The following STPG1 variants were observed in gnomAD, a reference collection of about 807,000 sequenced individuals.
The protein encoded by STPG1 is sperm tail PG-rich repeat containing 1, also known as O(6)-methylguanine-induced apoptosis 2.
STPG1 carries 33 observed loss-of-function variants against 40.1 expected under a neutral mutation model. The ratio of observed to expected loss-of-function variants is 0.82; its 90% confidence interval spans 0.62 to 1.10. The LOEUF (loss-of-function observed/expected upper bound fraction) is 1.10. Among genes scored for constraint, STPG1 ranks in the 50% least tolerant of loss-of-function variants. The pLI is 0.00. For synonymous variants in STPG1, 150 were observed against 155.0 expected, an observed-to-expected ratio of 0.97 and a Z score of 0.24; for missense variants, 396 against 415.1, an observed-to-expected ratio of 0.95 and a Z score of 0.40.
At position 24,380,469 on chromosome 1, in the gene STPG1, T is replaced by A. The variant is rs566143057; in HGVS notation, c.292-646A>T. Among the ~76,000 whole-genome samples, 4 of 152,326 alleles carry A rather than the reference T, an allele frequency of 2.6e-5. No individual in the cohort carries two copies. In the East Asian group the frequency reaches 7.7e-4, roughly 29 times the overall value. On this transcript the variant is annotated intron_variant, in intron 4 of 8. Transcript: ENST00000337248. ...AGGGACAAAAGTCACAGAAACTCAG[T>A]GATAACATCACTTTCCCCTAAGATA...
intron 3 of STPG1, among the ~76,000 whole-genome samples, chr1:24,385,760 C>T (rs947307167): frequency 2.0e-5 from 3 of 152,128 alleles, no homozygotes; most frequent in South Asian, 2.1e-4. Context: ...AAATCCCCAC[C>T]GGGTTATGAA....
intron 5 of STPG1, 74 bp from the exon 6 acceptor site, chr1:24,373,884 T>C: frequency 2.7e-6 from 3 of 1,101,148 alleles, no homozygotes; most frequent in East Asian, 2.4e-5. Context: ...CCTGGACAAG[T>C]GGCAAATCTA....
intron 7 of STPG1, among the ~76,000 whole-genome samples, chr1:24,363,611 G>C (rs1298589308): frequency 6.6e-6 from 1 of 152,118 alleles, no homozygotes; most frequent in African/African-American, 2.4e-5. Context: ...TACCCAGATT[G>C]TTAGGAAGAT....
chr1:24,385,578 T>C (rs74634952), intron 3 of STPG1, among the ~76,000 whole-genome samples: 4,135 of 152,298 alleles, frequency 0.027, 208 homozygotes, highest in African/African-American at 0.092. Flanking sequence ...CTGAGGACTT[T>C]ACATGTACTA....
At chr1:24,392,535 G>A (rs747641409) in intron 2 of STPG1, among the ~76,000 whole-genome samples, 1 of 152,144 alleles carries the variant, frequency 6.6e-6, no homozygotes, top group Non-Finnish European at 1.5e-5. Context: ...TTCAAACCAC[G>A]CAGACCCCTG....
rs1183455595 is a variant in STPG1 at position 24,359,065 on chromosome 1, A to T, written c.929-446T>A. On this transcript the variant is annotated intron_variant, in intron 8 of 8. Coordinates refer to ENST00000337248, the MANE Select transcript of STPG1 (RefSeq NM_001199013.2). This position sits in a 1 kb window ranked among gnomAD's most constrained non-coding sequence, Gnocchi z 5.3. ...TGTAGCCCCAGGTGACCAGAAACTC[A>T]TGTTGATACTGACTTGGTTAATGAG... is the stretch of plus-strand genomic sequence containing the variant. 6.6e-6 allele frequency among the ~76,000 whole-genome samples: 1 copy of T among 152,170 alleles called. No homozygotes were observed. Among genetic ancestry groups the T allele is most frequent in the Non-Finnish European group, 1.5e-5 (1 of 68,022 alleles).
intron 7 of STPG1, among the ~76,000 whole-genome samples, chr1:24,363,433 C>T (rs1641252575): frequency 6.6e-6 from 1 of 152,186 alleles, no homozygotes; most frequent in African/African-American, 2.4e-5. Context: ...CCGCTGCCAG[C>T]AACAGCCATG....
intron 7 of STPG1, chr1:24,369,298 C>T (rs1181697288): frequency 4.3e-6 from 2 of 468,760 alleles, no homozygotes; most frequent in Non-Finnish European, 8.7e-6. Context: ...AATCCAGCAT[C>T]ACAGGGAATG....
intron 1 of STPG1, among the ~76,000 whole-genome samples, chr1:24,403,930 T>C (rs1643321179): frequency 6.6e-6 from 1 of 152,176 alleles, no homozygotes; most frequent in Non-Finnish European, 1.5e-5. Flanking sequence ...TTTGTATGCC[T>C]GTTATTTCTT....
At chr1:24,395,742 T>C (rs1642973471) in intron 2 of STPG1, among the ~76,000 whole-genome samples, 1 of 152,176 alleles carries the variant, frequency 6.6e-6, no homozygotes, top group Non-Finnish European at 1.5e-5. Context: ...TTGAATAATT[T>C]AAATATAACA....
chr1:24,365,626 C>T (rs1641406100), intron 7 of STPG1, among the ~76,000 whole-genome samples: 1 of 152,242 alleles, frequency 6.6e-6, no homozygotes, highest in Non-Finnish European at 1.5e-5. Flanking sequence ...AGCACAGCAT[C>T]CGCCCTGCGG....
chr1:24,378,931 G>A (rs576670696), intron 5 of STPG1, among the ~76,000 whole-genome samples: 1 of 152,310 alleles, frequency 6.6e-6, no homozygotes, highest in East Asian at 1.9e-4. Context: ...TACCCTTCAT[G>A]TACTAACAAA....
rs944645975 is a variant in STPG1, at chr1:24,358,381, C to T, written c.*162G>A. On this transcript the variant is annotated 3_prime_UTR_variant, in exon 9 of 9. Transcript: ENST00000337248. The stretch of plus-strand genomic sequence containing the variant: ...CAATGTCTCCAGCTCAAGACAAAGG[C>T]AATGGCAGCAGTCCGGCTAGGATGC... The T allele has an allele frequency of 1.2e-5, 9 of 724,860 alleles. No individual in the cohort carries two copies. The highest frequency in any genetic ancestry group is 7.9e-5 in the Admixed American group (4 of 50,518). The allele number at this position is 724,860 out of a possible 1,614,324, so 44.9% of individuals were successfully genotyped here. A position where few individuals can be genotyped will look rare whatever the true frequency, so the allele number is the denominator to read the frequency against.
rs1640757539 is a variant in STPG1 at position 24,357,053 on chromosome 1, C to A, written c.*1490G>T. ...AATATTTTTAAAATTAAGGCCCCCC[C>A]CCCCAAAAAAAAAATCCATGGTGAA... On this transcript the variant is annotated 3_prime_UTR_variant, in exon 9 of 9. Transcript: ENST00000337248. 7.7e-6 allele frequency: 1 copy of A among 129,376 alleles called. No individual in the cohort carries two copies. The highest frequency in any genetic ancestry group is 2.6e-4 in the South Asian group (1 of 3,798). The allele number at this position is 129,376 out of a possible 1,614,324, so 8.0% of individuals were successfully genotyped here. A position where few individuals can be genotyped will look rare whatever the true frequency, so the allele number is the denominator to read the frequency against.
At chr1:24,379,538 G>T in intron 5 of STPG1, 115 bp downstream of exon 5, 2 of 1,221,698 alleles carry the variant, frequency 1.6e-6, no homozygotes. Context: ...GTCAACAAAT[G>T]CTAACTGGCT....
intron 5 of STPG1, among the ~76,000 whole-genome samples, chr1:24,377,361 T>C (rs1272758064): frequency 6.6e-6 from 1 of 152,176 alleles, no homozygotes. Flanking sequence ...TTCAGGGCCC[T>C]GTGTGAATTG....
At chr1:24,391,436 C>G (rs771483792) in intron 3 of STPG1, 125 bp downstream of exon 3, 2 of 573,114 alleles carry the variant, frequency 3.5e-6, no homozygotes, top group Non-Finnish European at 6.1e-6. Flanking sequence ...GCTGGTGCCG[C>G]GGCTCCTGGG....
chr1:24,373,287 T>C (rs1480748967), intron 6 of STPG1, among the ~76,000 whole-genome samples: 3 of 152,132 alleles, frequency 2.0e-5, no homozygotes, highest in Non-Finnish European at 2.9e-5. Context: ...ACCTCTAGCA[T>C]AGGAGAAAAT....
intron 3 of STPG1, among the ~76,000 whole-genome samples, chr1:24,388,622 G>A (rs1642616836): frequency 6.6e-6 from 1 of 152,224 alleles, no homozygotes; most frequent in Admixed American, 6.5e-5. Flanking sequence ...GTGGGCCACA[G>A]GACTACTGCG....
Sources: allele counts gnomAD v4.1 joint callset (sites outside exome capture counted in the v4.1 genomes callset), GRCh38; gene constraint gnomAD v4.1.1; non-coding constraint Gnocchi (gnomAD v3.1); transcripts MANE v1.5; gene names NCBI Gene and HGNC (gene_info 2026-07-23, HGNC 2026-07-21).